The following EHD4 variants were observed in gnomAD, a reference collection of about 807,000 sequenced individuals.
The protein encoded by EHD4 is EH domain-containing protein 4.
EHD4 carries 37 observed loss-of-function variants against 51.0 expected under a neutral mutation model. The ratio of observed to expected loss-of-function variants is 0.73; its 90% CI spans 0.56 to 0.95. The LOEUF (loss-of-function observed/expected upper bound fraction) is 0.95. EHD4 is among the 40% of genes least tolerant of loss of function. The pLI is 0.00. For missense variants in EHD4, 632 were observed against 733.1 expected, an observed-to-expected ratio of 0.86 and a Z score of 1.59; for synonymous variants, 297 against 317.3, an observed-to-expected ratio of 0.94 and a Z score of 0.68.
At chr15:41,945,597 G>A (rs887864913) in intron 2 of EHD4, among the ~76,000 whole-genome samples, 2 of 152,244 alleles carry the variant, frequency 1.3e-5, no homozygotes, top group Non-Finnish European at 2.9e-5. Context: ...CTGAAAGACA[G>A]TGTCCAGGGG....
rs977131566 is a variant in EHD4 at position 41,943,145 on chromosome 15, G to C, written c.433C>G (p.Pro145Ala). The change falls in exon 3 of 6, where the codon CCC becomes GCC. Residue 145 changes from proline (P) to alanine (A), a missense_variant. Physicochemically the swap from Pro to Ala is conservative, Grantham distance 27. Coordinates refer to ENST00000220325, the MANE Select transcript of EHD4 (RefSeq NM_139265.4). ...CTGATGCTCTTCAGGACCTGATTGG[G>C]GAGCTGTGAGCACATGAATCTGGAA... ...FLNRFMCSQL[P>A]NQVLKSISVI... 5 of 1,590,004 alleles carry C rather than the reference G, an allele frequency of 3.1e-6. No homozygotes were observed. The highest frequency in any genetic ancestry group is 3.6e-5 in the Admixed American group (2 of 55,978).
intron 2 of EHD4, among the ~76,000 whole-genome samples, chr15:41,949,232 T>C (rs1469710047): frequency 6.6e-6 from 1 of 151,466 alleles, no homozygotes; most frequent in East Asian, 1.9e-4. Context: ...TAGCTGGGCA[T>C]GGAGGTGGGC....
intron 1 of EHD4, among the ~76,000 whole-genome samples, chr15:41,957,648 C>G (rs1489292948): frequency 6.6e-6 from 1 of 152,190 alleles, no homozygotes; most frequent in Non-Finnish European, 1.5e-5. Context: ...TCTGCTCTTA[C>G]ACCAGGCACA....
At chr15:41,960,756 C>A (rs865878790) in intron 1 of EHD4, among the ~76,000 whole-genome samples, 3 of 151,218 alleles carry the variant, frequency 2.0e-5, no homozygotes, top group Middle Eastern at 3.4e-3. Flanking sequence ...TCACTGCAAC[C>A]TCTGCCTCCT....
chr15:41,947,407 C>T (rs2067822794), intron 2 of EHD4, among the ~76,000 whole-genome samples: 2 of 152,184 alleles, frequency 1.3e-5, no homozygotes, highest in South Asian at 4.1e-4. Flanking sequence ...GTCTCTAAAC[C>T]TCTCTGAGCA....
At chr15:41,906,159 T>C (rs1219561271) in intron 5 of EHD4, among the ~76,000 whole-genome samples, 1 of 152,232 alleles carries the variant, frequency 6.6e-6, no homozygotes, top group East Asian at 1.9e-4. Flanking sequence ...AGAACCTGTC[T>C]TTCCATTTGG....
chr15:41,913,409 C>T (rs536690114), intron 4 of EHD4, among the ~76,000 whole-genome samples: 57 of 152,248 alleles, frequency 3.7e-4, no homozygotes, highest in African/African-American at 1.1e-3. Context: ...AGGAGGAGTA[C>T]GAAAGAGAAG....
At chr15:41,905,424 T>C (rs2067505978) in intron 5 of EHD4, among the ~76,000 whole-genome samples, 1 of 152,178 alleles carries the variant, frequency 6.6e-6, no homozygotes, top group African/African-American at 2.4e-5. Flanking sequence ...GATATGGCCT[T>C]ACACTAACTT....
chr15:41,900,158 C>T lies in EHD4; in HGVS notation c.*487G>A, dbSNP rs1413417781. On this transcript the variant is annotated 3_prime_UTR_variant, in exon 6 of 6. Coordinates refer to ENST00000220325, the MANE Select transcript of EHD4 (RefSeq NM_139265.4). The surrounding 1 kb of genome is among the most constrained non-coding windows in gnomAD (Gnocchi z 4.8). ...GAAACCCTCTGCTCTATTTTTTTGC[C>T]ACTCTAAATATAGCAGAAAACAAAA... The T allele has an allele frequency of 6.5e-6, 1 of 154,588 alleles. No homozygotes were observed. The highest frequency in any genetic ancestry group is 6.5e-5 in the Admixed American group (1 of 15,424). 9.6% of individuals were successfully genotyped at this position (154,588 alleles called of 1,614,324 possible). A position where few individuals can be genotyped will look rare whatever the true frequency, so the allele number is the denominator to read the frequency against.
intron 1 of EHD4, among the ~76,000 whole-genome samples, chr15:41,967,752 T>C (rs2067969502): frequency 6.6e-6 from 1 of 152,258 alleles, no homozygotes; most frequent in Non-Finnish European, 1.5e-5. Flanking sequence ...TTGTTCCTAT[T>C]CAGAATCCAT....
intron 3 of EHD4, chr15:41,925,935 C>T (rs141662388): frequency 1.3e-5 from 2 of 152,308 alleles, no homozygotes; most frequent in African/African-American, 4.8e-5. Flanking sequence ...TGCTCCCTGG[C>T]TCAGGTAAAT....
At position 41,960,942 on chromosome 15, in the gene EHD4, G is replaced by A. The variant is rs146387401; in HGVS notation, c.237-7002C>T. Among the ~76,000 whole-genome samples, 115 of 152,142 alleles carry A rather than the reference G, an allele frequency of 7.6e-4. 2 individuals carry two copies. In the East Asian group the frequency reaches 0.02, roughly 27 times the overall value. ...CCCGCCTCAGCCTTCCAAAATGCTG[G>A]GATTAGAGGTGTGAGCCACCGCGCC... On this transcript the variant is annotated intron_variant, in intron 1 of 5. Transcript: ENST00000220325.
At position 41,900,603 on chromosome 15, in the gene EHD4, G is replaced by A. The variant is rs1458794764; in HGVS notation, c.*42C>T. On this transcript the variant is annotated 3_prime_UTR_variant, in exon 6 of 6. Transcript: ENST00000220325. This position sits in a 1 kb window ranked among gnomAD's most constrained non-coding sequence, Gnocchi z 4.8. ...GAGTCAGTGGTGGAGCAGGCCTGAG[G>A]CCCAGGTCCCCCAGTTCCCACCCCG... 6.6e-7 allele frequency: 1 copy of A among 1,515,082 alleles called. No individual in the cohort carries two copies. Among genetic ancestry groups the A allele is most frequent in the Non-Finnish European group, 8.8e-7 (1 of 1,133,220 alleles). The allele number at this position is 1,515,082 out of a possible 1,614,324, so 93.9% of individuals were successfully genotyped here.
At chr15:41,921,789 C>G (rs1013385472) in intron 3 of EHD4, 8 of 152,194 alleles carry the variant, frequency 5.3e-5, no homozygotes, top group Non-Finnish European at 1.2e-4. Flanking sequence ...AGGAGGTATC[C>G]TTTATGGGTT....
chr15:41,896,504 A>G lies in EHD4; in HGVS notation c.*4141T>C, dbSNP rs1448111419. On this transcript the variant is annotated 3_prime_UTR_variant, in exon 6 of 6. Transcript: ENST00000220325. The stretch of plus-strand genomic sequence containing the variant: ...TATTTGTGACCAAGGGGATGTGGTC[A>G]ATCTCATCCAAACCTCACTTGAAGT... 2.0e-5 allele frequency: 3 copies of G among 152,192 alleles called. No homozygotes were observed. Among genetic ancestry groups the G allele is most frequent in the Admixed American group, 1.3e-4 (2 of 15,276 alleles). 9.4% of individuals were successfully genotyped at this position (152,192 alleles called of 1,614,324 possible). A position where few individuals can be genotyped will look rare whatever the true frequency, so the allele number is the denominator to read the frequency against.
intron 2 of EHD4, among the ~76,000 whole-genome samples, chr15:41,950,474 A>C (rs901456606): frequency 6.6e-6 from 1 of 152,234 alleles, no homozygotes; most frequent in East Asian, 1.9e-4. Context: ...TTCCCAGAGA[A>C]GTATGCTATG....
intron 1 of EHD4, among the ~76,000 whole-genome samples, chr15:41,961,039 G>A (rs2067921162): frequency 1.3e-5 from 2 of 152,154 alleles, no homozygotes; most frequent in African/African-American, 4.8e-5. Context: ...TCATTGACAT[G>A]TTATCACCAG....
At chr15:41,936,527 G>T (rs2067732843) in intron 3 of EHD4, among the ~76,000 whole-genome samples, 2 of 152,146 alleles carry the variant, frequency 1.3e-5, no homozygotes, top group Non-Finnish European at 2.9e-5. Flanking sequence ...CAATGTCTGA[G>T]ATATCCCGTG....
chr15:41,953,912 T>A lies in EHD4; in HGVS notation c.265A>T (p.Met89Leu), dbSNP rs970354048. Residue 89 changes from methionine (M) to leucine (L), a missense_variant, in exon 2 of 6, where the codon ATG (methionine) becomes TTG (leucine). Met to Leu is a conservative substitution (Grantham distance 15). Coordinates refer to ENST00000220325, the MANE Select transcript of EHD4 (RefSeq NM_139265.4). ...RYLLEQDFPGMRIGPEPTTDS... is the reference protein window; with the variant it reads ...RYLLEQDFPGLRIGPEPTTDS... Reference sequence around the variant, plus strand: ...GTGGTGGGCTCCGGACCAATCCTCATGCCTGGGAAATCCTGCTCCAGTAGG... The same window carrying A: ...GTGGTGGGCTCCGGACCAATCCTCAAGCCTGGGAAATCCTGCTCCAGTAGG... 6.2e-7 allele frequency: 1 copy of A among 1,612,960 alleles called. No homozygotes were observed. The highest frequency in any genetic ancestry group is 1.3e-5 in the African/African-American group (1 of 74,944).
Sources: allele counts gnomAD v4.1 joint callset (sites outside exome capture counted in the v4.1 genomes callset), GRCh38; gene constraint gnomAD v4.1.1; non-coding constraint Gnocchi (gnomAD v3.1); transcripts MANE v1.5; gene names NCBI Gene and HGNC (gene_info 2026-07-23, HGNC 2026-07-21).